Variants in LRP1 observed in about 807,000 individuals in gnomAD.
The protein encoded by LRP1 is prolow-density lipoprotein receptor-related protein 1.
In LRP1, 51 loss-of-function variants were observed where a neutral mutation model predicts 541.5. The ratio of observed to expected loss-of-function variants is 0.09; its 90% confidence interval spans 0.08 to 0.12. The LOEUF (loss-of-function observed/expected upper bound fraction) is 0.12, where lower values mean the gene tolerates loss of function less well. Among genes scored for constraint, LRP1 ranks in the 10% least tolerant of loss-of-function variants. The probability of loss-of-function intolerance (pLI) is 1.00; values close to 1 mark genes in which losing one functional copy is unlikely to be tolerated. For missense variants in LRP1, 3,878 were observed against 6,376.2 expected (o/e 0.61, Z 13.34); for synonymous variants, 2,219 against 2,470.8 (o/e 0.90, Z 3.02).
In LRP1 at chr12:57,200,709, G is replaced by A. The variant is rs1211444502; in HGVS notation, c.10119G>A (p.Lys3373=). The A allele has an allele frequency of 2.5e-6, 4 of 1,613,760 alleles. No homozygotes were observed. The African/African-American group carries it at 5.3e-5, about 22-fold the overall frequency. ...CTCCCTCTCTGGCAGCTGAGTTCAA[G>A]TGCCGGCCCGGACAGTTCCAGTGCT... The part of the protein sequence containing the change: ...SDEPPDCPEF[K]CRPGQFQCST... Residue 3373 remains lysine (K), a synonymous_variant, in exon 64 of 89, where the codon AAG becomes AAA. Transcript: ENST00000243077.
At chr12:57,153,923 A>C (rs1045515733) in intron 6 of LRP1, among the ~76,000 whole-genome samples, 8 of 152,126 alleles carry the variant, frequency 5.3e-5, no homozygotes, top group African/African-American at 1.4e-4. Context: ...AAAAAAAAAA[A>C]AAACTGGACT....
In LRP1 at chr12:57,212,649, C is replaced by T. The variant is rs2036944197; in HGVS notation, c.*94C>T. ...CCTCCCCAGCCAGCCCTTCCCTGGC[C>T]CCGCCGGATGTATAAATGTAAAAAT... On this transcript the variant is annotated 3_prime_UTR_variant, in exon 89 of 89. Transcript: ENST00000243077. This position sits in a 1 kb window ranked among gnomAD's most constrained non-coding sequence, Gnocchi z 5.0. 1 of 1,279,102 alleles carries T rather than the reference C, an allele frequency of 7.8e-7. No individual in the cohort carries two copies. The highest frequency in any genetic ancestry group is 1.1e-6 in the Non-Finnish European group (1 of 932,064). 79.2% of individuals were successfully genotyped at this position (1,279,102 alleles called of 1,614,324 possible). A position where few individuals can be genotyped will look rare whatever the true frequency, so the allele number is the denominator to read the frequency against.
rs766459506 is a variant in LRP1 at position 57,185,733 on chromosome 12, G to A, written c.6666G>A (p.Ala2222=). The change falls in exon 41 of 89, where the codon GCG becomes GCA. Residue 2222 remains alanine, a synonymous_variant. Transcript: ENST00000243077. The surrounding 1 kb of genome is among the most constrained non-coding windows in gnomAD (Gnocchi z 4.9). ...TGTCGGATGAGCGCAACCTCAATGC[G>A]CCCGTGCAGCCCTTCGAGGACCCTG... The part of the protein sequence containing the change: ...IHLSDERNLN[A]PVQPFEDPEH... 3.2e-5 allele frequency: 52 copies of A among 1,614,056 alleles called. No homozygotes were observed. The highest frequency in any genetic ancestry group is 1.9e-4 in the African/African-American group (14 of 74,910).
chr12:57,143,339 A>ATT, intron 3 of LRP1, among the ~76,000 whole-genome samples: 1 of 150,764 alleles, frequency 6.6e-6, no homozygotes, highest in South Asian at 2.1e-4. Flanking sequence ...GAGGCATATC[A>ATT]AAGGGATAAG....
At chr12:57,176,941 G>T in intron 24 of LRP1, 100 bp from the exon 25 acceptor site, 1 of 978,980 alleles carries the variant, frequency 1.0e-6, no homozygotes, top group African/African-American at 1.6e-5. Flanking sequence ...TGGCAGAAGT[G>T]CCAGGGTTGA....
chr12:57,139,382 G>A (rs1309572345), intron 2 of LRP1, among the ~76,000 whole-genome samples: 1 of 152,080 alleles, frequency 6.6e-6, no homozygotes, highest in Non-Finnish European at 1.5e-5. Flanking sequence ...CCACTAGTGG[G>A]CTCTGCCTCA....
chr12:57,174,772 C>T (rs2036011000), intron 22 of LRP1, among the ~76,000 whole-genome samples: 1 of 152,136 alleles, frequency 6.6e-6, no homozygotes, highest in Non-Finnish European at 1.5e-5. Context: ...CCCAAACAAA[C>T]AAACAGGCAA....
chr12:57,167,676 G>T, intron 19 of LRP1, 152 bp downstream of exon 19: 2 of 645,440 alleles, frequency 3.1e-6, no homozygotes, highest in Non-Finnish European at 5.5e-6. Context: ...AACAGGAGAA[G>T]TCAGAAATGC....
intron 1 of LRP1, among the ~76,000 whole-genome samples, chr12:57,136,225 G>A (rs1207447498): frequency 1.3e-5 from 2 of 152,228 alleles, no homozygotes; most frequent in Non-Finnish European, 2.9e-5. Context: ...CTCAGGGTGG[G>A]GGCCAGGGGA....
intron 76 of LRP1, among the ~76,000 whole-genome samples, 172 bp from the exon 77 acceptor site, chr12:57,207,866 C>T (rs1035051644): frequency 2.6e-5 from 4 of 152,238 alleles, no homozygotes; most frequent in Admixed American, 1.3e-4. Context: ...TCACCAGCCA[C>T]GTGTGAGAGC....
At chr12:57,129,254 A>G (rs1229231886) in intron 1 of LRP1, among the ~76,000 whole-genome samples, 1 of 152,120 alleles carries the variant, frequency 6.6e-6, no homozygotes, top group Non-Finnish European at 1.5e-5. Flanking sequence ...ACAAACAAAG[A>G]CCAGAGGCCT....
At chr12:57,157,872 G>T (rs1188236978) in intron 10 of LRP1, among the ~76,000 whole-genome samples, 1 of 152,232 alleles carries the variant, frequency 6.6e-6, no homozygotes, top group Non-Finnish European at 1.5e-5. Flanking sequence ...GGAGGCAGGG[G>T]TTGGATTTTA....
At chr12:57,155,046 T>G in intron 8 of LRP1, 1 of 545,134 alleles carries the variant, frequency 1.8e-6, no homozygotes, top group Non-Finnish European at 3.3e-6. Flanking sequence ...TTGCCTGTGT[T>G]TACAAAGCCG....
chr12:57,195,479 G>A, intron 52 of LRP1, 80 bp downstream of exon 52: 1 of 1,584,770 alleles, frequency 6.3e-7, no homozygotes, highest in Non-Finnish European at 8.6e-7. Flanking sequence ...CCGGGGTGCA[G>A]GAGAGGAAAT....
chr12:57,190,627 ACTGT>A (rs2136718277), intron 42 of LRP1, among the ~76,000 whole-genome samples, 174 bp from the exon 43 acceptor site: 1 of 152,354 alleles, frequency 6.6e-6, no homozygotes, highest in Admixed American at 6.5e-5. Flanking sequence ...TCGTGTGTGA[ACTGT>A]CTGTGCAATA....
chr12:57,154,756 G>A lies in LRP1; in HGVS notation c.1227+55G>A. On this transcript the variant is annotated intron_variant, in intron 8 of 88. Coordinates refer to ENST00000243077, the MANE Select transcript of LRP1 (RefSeq NM_002332.3). The surrounding 1 kb of genome is among the most constrained non-coding windows in gnomAD (Gnocchi z 4.6). ...GGGGAACCATGATCCAGGGCCTTCT[G>A]GTGAGGGGGGAAGCCTCTGTAGGGG... 6.8e-7 allele frequency: 1 copy of A among 1,480,964 alleles called. No homozygotes were observed. Among genetic ancestry groups the A allele is most frequent in the Non-Finnish European group, 9.2e-7 (1 of 1,083,852 alleles). The allele number at this position is 1,480,964 out of a possible 1,614,324, so 91.7% of individuals were successfully genotyped here. A position where few individuals can be genotyped will look rare whatever the true frequency, so the allele number is the denominator to read the frequency against.
intron 3 of LRP1, 30 bp downstream of exon 3, chr12:57,141,541 G>A (rs766687257): frequency 1.2e-5 from 19 of 1,613,584 alleles, no homozygotes; most frequent in South Asian, 8.8e-5. Flanking sequence ...CTACTCTCCC[G>A]TCTGGATGCA....
rs1255037950 is a variant in LRP1 at position 57,143,753 on chromosome 12, T to C, written c.403T>C (p.Cys135Arg). Reference sequence around the variant, plus strand: ...CACACTCGATGGGCCCACCTGCTACTGCAACAGCAGCTTTCAGCTTCAGGC... The same window carrying C: ...CACACTCGATGGGCCCACCTGCTACCGCAACAGCAGCTTTCAGCTTCAGGC... ...VPTLDGPTCY[C>R]NSSFQLQADG... is the part of the protein sequence containing the mutation. The change falls in exon 4 of 89, where the codon TGC becomes CGC. Residue 135 changes from cysteine (C) to arginine (R), a missense_variant. Around this residue, in one of 13 missense-constraint regions of LRP1, gnomAD observed 293 missense variants for 403.7 expected, o/e 0.73. Transcript: ENST00000243077. The C allele has an allele frequency of 6.2e-7, 1 of 1,614,192 alleles. No individual in the cohort carries two copies. The highest frequency in any genetic ancestry group is 8.5e-7 in the Non-Finnish European group (1 of 1,180,008).
At chr12:57,180,572 T>A in intron 32 of LRP1, 93 bp downstream of exon 32, 1 of 1,606,744 alleles carries the variant, frequency 6.2e-7, no homozygotes, top group Non-Finnish European at 8.5e-7. Flanking sequence ...TCTCTCACCA[T>A]GTGGGGCGGG....
Sources: allele counts gnomAD v4.1 joint callset (sites outside exome capture counted in the v4.1 genomes callset), GRCh38; gene constraint gnomAD v4.1.1; regional missense constraint gnomAD v4.1.1; non-coding constraint Gnocchi (gnomAD v3.1); transcripts MANE v1.5; gene names NCBI Gene and HGNC (gene_info 2026-07-23, HGNC 2026-07-21).